The following HS3ST5 variants were observed in gnomAD, a reference collection of about 807,000 sequenced individuals.
HS3ST5 encodes heparan sulfate-glucosamine 3-sulfotransferase 5, also known as heparan sulfate glucosamine 3-O-sulfotransferase 5.
HS3ST5 carries 10 observed loss-of-function variants against 25.4 expected under a neutral mutation model. That is an observed-to-expected ratio of 0.39 (90% CI 0.24 to 0.67). HS3ST5 has a LOEUF of 0.67. Ranked by LOEUF, HS3ST5 falls within the 30% of genes least tolerant of loss-of-function variation. The pLI, the probability that HS3ST5 is intolerant of heterozygous loss-of-function variation, is 0.44. For synonymous variants in HS3ST5, 170 were observed against 162.4 expected (o/e 1.05, Z -0.36); for missense variants, 324 against 420.7 (o/e 0.77, Z 2.01).
At chr6:114,147,645 ATC>A (rs1778233569) in intron 3 of HS3ST5, among the ~76,000 whole-genome samples, 1 of 152,124 alleles carries the variant, frequency 6.6e-6, no homozygotes, top group Non-Finnish European at 1.5e-5. Context: ...CAGTGGCACA[ATC>A]TCAGCTCACT....
At chr6:114,149,336 G>C (rs1032714258) in intron 3 of HS3ST5, among the ~76,000 whole-genome samples, 1 of 152,126 alleles carries the variant, frequency 6.6e-6, no homozygotes. Flanking sequence ...CAACCCAAAT[G>C]CCCATCAATG....
chr6:114,128,583 A>G (rs568686850), intron 3 of HS3ST5, among the ~76,000 whole-genome samples: 1 of 152,346 alleles, frequency 6.6e-6, no homozygotes, highest in East Asian at 1.9e-4. Flanking sequence ...TTAAAAAATA[A>G]ACACTACTCA....
intron 1 of HS3ST5, among the ~76,000 whole-genome samples, chr6:114,271,503 C>G (rs948776346): frequency 1.3e-5 from 2 of 151,778 alleles, no homozygotes; most frequent in Non-Finnish European, 2.9e-5. Flanking sequence ...ATAATTAATC[C>G]AGGCTCTGGG....
chr6:114,226,694 G>A (rs567527234), intron 2 of HS3ST5, among the ~76,000 whole-genome samples: 6 of 152,000 alleles, frequency 3.9e-5, no homozygotes, highest in Non-Finnish European at 7.4e-5. Flanking sequence ...TTATTCTTCT[G>A]TTGCATGTTT....
intron 3 of HS3ST5, among the ~76,000 whole-genome samples, chr6:114,124,323 T>G (rs1289288195): frequency 6.6e-6 from 1 of 152,162 alleles, no homozygotes; most frequent in Non-Finnish European, 1.5e-5. Flanking sequence ...AACCCTGGAA[T>G]GCAGGGTGTG....
chr6:114,064,816 C>T (rs555239575), intron 3 of HS3ST5, among the ~76,000 whole-genome samples: 2 of 152,204 alleles, frequency 1.3e-5, no homozygotes, highest in East Asian at 1.9e-4. Context: ...CTACTTCAGT[C>T]CTTCCTGAAG....
At chr6:114,171,578 G>A (rs2115004202) in intron 2 of HS3ST5, among the ~76,000 whole-genome samples, 1 of 152,256 alleles carries the variant, frequency 6.6e-6, no homozygotes, top group Non-Finnish European at 1.5e-5. Context: ...TATGTGTTCG[G>A]CACTGAACTA....
intron 3 of HS3ST5, among the ~76,000 whole-genome samples, chr6:114,101,290 T>C (rs1425423287): frequency 6.6e-6 from 1 of 152,222 alleles, no homozygotes; most frequent in African/African-American, 2.4e-5. Context: ...AGCACAAAAG[T>C]AACATGTTTT....
intron 2 of HS3ST5, among the ~76,000 whole-genome samples, chr6:114,181,568 C>CT (rs949550324): frequency 1.3e-5 from 2 of 152,098 alleles, no homozygotes; most frequent in African/African-American, 4.8e-5. Context: ...ATAAAGCTTC[C>CT]TTATCACAAA....
intron 3 of HS3ST5, among the ~76,000 whole-genome samples, chr6:114,135,651 T>C (rs1777559867): frequency 6.6e-6 from 1 of 152,236 alleles, no homozygotes; most frequent in Non-Finnish European, 1.5e-5. Flanking sequence ...TGTCATCTTT[T>C]TCTGTGATGT....
At chr6:114,286,035 T>A (rs1378229708) in intron 1 of HS3ST5, among the ~76,000 whole-genome samples, 1 of 151,856 alleles carries the variant, frequency 6.6e-6, no homozygotes, top group Non-Finnish European at 1.5e-5. Flanking sequence ...ATGCAAAAAC[T>A]GTCTAATGCC....
At chr6:114,097,787 T>A (rs1775516895) in intron 3 of HS3ST5, among the ~76,000 whole-genome samples, 1 of 151,972 alleles carries the variant, frequency 6.6e-6, no homozygotes, top group Non-Finnish European at 1.5e-5. Flanking sequence ...ATATTCTCAT[T>A]ATTTTCTGGT....
intron 1 of HS3ST5, among the ~76,000 whole-genome samples, chr6:114,341,222 G>GGAGAGAGAGAGAGAGAGGGGGAGAGA (rs1776841937): frequency 2.1e-5 from 1 of 46,634 alleles, no homozygotes; most frequent in African/African-American, 1.2e-4. Context: ...GGAGAGAGGG[G>GGAGAGAGAGAGAGAGAGGGGGAGAGA]GAGAGAGAGA....
chr6:114,329,497 A>C (rs1378922789), intron 1 of HS3ST5, among the ~76,000 whole-genome samples: 1 of 152,146 alleles, frequency 6.6e-6, no homozygotes, highest in Non-Finnish European at 1.5e-5. Context: ...TCTGTGTCCA[A>C]GGGGAATAGA....
chr6:114,300,982 G>A (rs1434517722), intron 1 of HS3ST5, among the ~76,000 whole-genome samples: 2 of 152,150 alleles, frequency 1.3e-5, no homozygotes, highest in African/African-American at 4.8e-5. Context: ...ATTAGTAGTT[G>A]CCTAGAGCTA....
At chr6:114,175,450 A>G (rs908770477) in intron 2 of HS3ST5, among the ~76,000 whole-genome samples, 8 of 152,242 alleles carry the variant, frequency 5.3e-5, no homozygotes, top group Admixed American at 5.2e-4. Flanking sequence ...CCAAAATTCA[A>G]ATAAGTAATC....
intron 1 of HS3ST5, among the ~76,000 whole-genome samples, chr6:114,229,775 G>T (rs1365714920): frequency 1.3e-5 from 2 of 152,116 alleles, no homozygotes; most frequent in African/African-American, 4.8e-5. Context: ...ACATTTGCTT[G>T]CCTTGAATGA....
At chr6:114,317,649 C>T (rs757706565) in intron 1 of HS3ST5, among the ~76,000 whole-genome samples, 1 of 151,978 alleles carries the variant, frequency 6.6e-6, no homozygotes, top group Non-Finnish European at 1.5e-5. Context: ...TAGGCACCTA[C>T]CTAGCTGTGA....
At chr6:114,060,838 T>C (rs1350010641) in intron 4 of HS3ST5, among the ~76,000 whole-genome samples, 2 of 152,214 alleles carry the variant, frequency 1.3e-5, no homozygotes, top group Non-Finnish European at 2.9e-5. Flanking sequence ...TAACTCAAGA[T>C]AGAATGTGAA....
Sources: gnomAD v4.1 joint callset for allele counts (sites outside exome capture counted in the v4.1 genomes callset) on GRCh38, gnomAD v4.1.1 for gene constraint, MANE v1.5 for transcripts, NCBI Gene and HGNC (gene_info 2026-07-23, HGNC 2026-07-21) for gene names.